The following SEMA5A variants were observed in gnomAD, a reference collection of about 807,000 sequenced individuals.
SEMA5A encodes the protein semaphorin 5A.
SEMA5A carries 55 observed loss-of-function variants against 135.5 expected under a neutral mutation model. That is an observed-to-expected ratio of 0.41 (90% confidence interval 0.33 to 0.51). The LOEUF (loss-of-function observed/expected upper bound fraction) is 0.51, where lower values mean the gene tolerates loss of function less well. Among genes scored for constraint, SEMA5A ranks in the 20% least tolerant of loss-of-function variants. The pLI, the probability that SEMA5A is intolerant of heterozygous loss-of-function variation, is 0.37. For missense variants in SEMA5A, 1,290 were observed against 1,419.9 expected (o/e 0.91, Z 1.47); for synonymous variants, 580 against 546.5 (o/e 1.06, Z -0.85).
chr5:9,499,468 G>T (rs868557528), intron 1 of SEMA5A, among the ~76,000 whole-genome samples: 12 of 152,186 alleles, frequency 7.9e-5, no homozygotes, highest in African/African-American at 2.9e-4. Flanking sequence ...GAACACAAAG[G>T]ATGCCTCATT....
chr5:9,329,756 G>A (rs935384129), intron 4 of SEMA5A, among the ~76,000 whole-genome samples: 1 of 151,972 alleles, frequency 6.6e-6, no homozygotes, highest in African/African-American at 2.4e-5. Context: ...ATTTATTTAC[G>A]GCTGTCCCTT....
intron 1 of SEMA5A, among the ~76,000 whole-genome samples, chr5:9,543,717 G>A (rs1382544389): frequency 6.6e-6 from 1 of 152,160 alleles, no homozygotes; most frequent in Admixed American, 6.5e-5. Context: ...GTGACTGCAT[G>A]GAGCAACGTG....
chr5:9,044,248 A>G, intron 22 of SEMA5A, 125 bp downstream of exon 22: 1 of 798,506 alleles, frequency 1.3e-6, no homozygotes, highest in Non-Finnish European at 2.1e-6. Context: ...GATGTTTCTT[A>G]TTCTCACATA....
At chr5:9,140,664 G>C (rs1312641839) in intron 12 of SEMA5A, among the ~76,000 whole-genome samples, 2 of 152,136 alleles carry the variant, frequency 1.3e-5, no homozygotes, top group Non-Finnish European at 2.9e-5. Flanking sequence ...GCAAACCTGA[G>C]AGTAATTCTT....
chr5:9,201,964 G>A lies in SEMA5A; in HGVS notation c.923C>T (p.Thr308Ile). The A allele has an allele frequency of 6.2e-7, 1 of 1,613,902 alleles. No individual in the cohort carries two copies. The highest frequency in any genetic ancestry group is 8.5e-7 in the Non-Finnish European group (1 of 1,179,826). The change falls in exon 9 of 23, where the codon ACC (threonine) becomes ATC (isoleucine). Residue 308 changes from threonine (T) to isoleucine (I), a missense_variant. This residue lies in a region of SEMA5A where 1,029 missense variants were observed against 1,086.6 expected (regional missense o/e 0.95). Coordinates refer to ENST00000382496, the MANE Select transcript of SEMA5A (RefSeq NM_003966.3). The stretch of plus-strand genomic sequence containing the variant: ...ATTTCAAGTTACATACACATTGGTG[G>A]TAAAGATGCCATAGATCAAATCCAG... ...PELDLIYGIF[T>I]TNVNSIAASA...
intron 11 of SEMA5A, among the ~76,000 whole-genome samples, chr5:9,163,548 A>C (rs1743414428): frequency 6.6e-6 from 1 of 152,216 alleles, no homozygotes; most frequent in African/African-American, 2.4e-5. Flanking sequence ...CAAATGTAAC[A>C]ATATCTCATT....
chr5:9,517,472 A>C (rs919529149), intron 1 of SEMA5A: 2 of 152,228 alleles, frequency 1.3e-5, no homozygotes, highest in African/African-American at 4.8e-5. Flanking sequence ...CAGCTTCTGC[A>C]TCTCCACAGA....
At chr5:9,410,035 C>A (rs1156726711) in intron 2 of SEMA5A, among the ~76,000 whole-genome samples, 1 of 152,018 alleles carries the variant, frequency 6.6e-6, no homozygotes, top group Non-Finnish European at 1.5e-5. Context: ...GGGAAAAAAT[C>A]TCTTTTAGCT....
In SEMA5A at chr5:9,498,347, G is replaced by A. The variant is rs949717323; in HGVS notation, c.-175+47237C>T. ...TGTCTAAATACAGCAATGTCACCAC[G>A]AGGGGAAAAGGACTTTCATTCACCA... On this transcript the variant is annotated intron_variant, in intron 1 of 22. Coordinates refer to ENST00000382496, the MANE Select transcript of SEMA5A (RefSeq NM_003966.3). 1.1e-4 allele frequency: 17 copies of A among 152,308 alleles called. No homozygotes were observed. In the South Asian group the frequency reaches 1.7e-3, roughly 15 times the overall value. The allele number at this position is 152,308 out of a possible 1,614,324, so 9.4% of individuals were successfully genotyped here. A position where few individuals can be genotyped will look rare whatever the true frequency, so the allele number is the denominator to read the frequency against.
chr5:9,413,132 G>A (rs1452451041), intron 2 of SEMA5A, among the ~76,000 whole-genome samples: 2 of 152,162 alleles, frequency 1.3e-5, no homozygotes, highest in Non-Finnish European at 2.9e-5. Context: ...GAGTGAAGGA[G>A]ACATTGGGGA....
intron 6 of SEMA5A, among the ~76,000 whole-genome samples, chr5:9,234,190 G>C (rs1240740899): frequency 6.6e-6 from 1 of 152,174 alleles, no homozygotes; most frequent in Admixed American, 6.5e-5. Flanking sequence ...CCTAGGAACT[G>C]TCAAAATGGG....
chr5:9,523,165 GAACTGTAATAATTGCCA>G (rs1445481864), intron 1 of SEMA5A: 2 of 152,186 alleles, frequency 1.3e-5, no homozygotes, highest in Non-Finnish European at 2.9e-5. Flanking sequence ...GTACACAAGA[GAACTGTAATAATTGCCA>G]AACTCAGCTC....
chr5:9,150,419 T>C (rs948484916), intron 12 of SEMA5A, among the ~76,000 whole-genome samples: 4 of 152,216 alleles, frequency 2.6e-5, no homozygotes, highest in South Asian at 2.1e-4. Context: ...CCAATTCCAA[T>C]GAGTTAGCTT....
intron 15 of SEMA5A, among the ~76,000 whole-genome samples, chr5:9,118,580 C>T (rs1740641096): frequency 2.0e-5 from 3 of 152,152 alleles, no homozygotes; most frequent in Admixed American, 1.3e-4. Context: ...CTGAGGAAAA[C>T]CCTACCGCAC....
chr5:9,291,525 T>C (rs550388764), intron 5 of SEMA5A, among the ~76,000 whole-genome samples: 1 of 150,250 alleles, frequency 6.7e-6, no homozygotes, highest in Non-Finnish European at 1.5e-5. Flanking sequence ...TAGGAGAGAA[T>C]AAAGAGATGA....
intron 1 of SEMA5A, among the ~76,000 whole-genome samples, chr5:9,513,131 T>C (rs2126851414): frequency 6.7e-6 from 1 of 150,028 alleles, no homozygotes; most frequent in Non-Finnish European, 1.5e-5. Context: ...ATGTGAATTT[T>C]CATACTAAAA....
At chr5:9,476,841 G>C (rs1446307829) in intron 1 of SEMA5A, among the ~76,000 whole-genome samples, 2 of 152,010 alleles carry the variant, frequency 1.3e-5, no homozygotes, top group East Asian at 3.9e-4. Context: ...GGGAGGCCAA[G>C]GTAAGAGGAC....
intron 1 of SEMA5A, among the ~76,000 whole-genome samples, chr5:9,493,792 T>C (rs145913672): frequency 6.6e-6 from 1 of 152,150 alleles, no homozygotes. Flanking sequence ...CAGCAAAACA[T>C]GAAGTGACAC....
At chr5:9,178,359 G>A (rs1318601581) in intron 11 of SEMA5A, among the ~76,000 whole-genome samples, 1 of 135,994 alleles carries the variant, frequency 7.4e-6, no homozygotes. Flanking sequence ...TTGAGATGGA[G>A]CCTAGCTTTG....
Sources: gnomAD v4.1 joint callset for allele counts (sites outside exome capture counted in the v4.1 genomes callset) on GRCh38, gnomAD v4.1.1 for gene constraint, gnomAD v4.1.1 regional missense constraint, MANE v1.5 for transcripts, NCBI Gene and HGNC (gene_info 2026-07-23, HGNC 2026-07-21) for gene names.